The following ZFHX3 variants were observed in gnomAD, a reference collection of about 807,000 sequenced individuals.
ZFHX3 encodes zinc finger homeobox 3.
In ZFHX3, 42 loss-of-function variants were observed where a neutral mutation model predicts 279.1. That is an observed-to-expected ratio of 0.15 (90% CI 0.12 to 0.19). ZFHX3 has a LOEUF of 0.19. Among genes scored for constraint, ZFHX3 ranks in the 10% least tolerant of loss-of-function variants. The pLI, the probability that ZFHX3 is intolerant of heterozygous loss-of-function variation, is 1.00. For synonymous variants in ZFHX3, 2,293 were observed against 1,957.8 expected (o/e 1.17, Z -4.52); for missense variants, 4,981 against 4,754.0 (o/e 1.05, Z -1.40).
intron 3 of ZFHX3, among the ~76,000 whole-genome samples, chr16:73,323,562 C>T (rs2015623054): frequency 6.6e-6 from 1 of 152,070 alleles, no homozygotes; most frequent in Non-Finnish European, 1.5e-5. Context: ...AGAAGTTGGA[C>T]CAAGATATGA....
chr16:73,188,619 A>G (rs953000959), intron 5 of ZFHX3, among the ~76,000 whole-genome samples: 1 of 152,186 alleles, frequency 6.6e-6, no homozygotes, highest in Non-Finnish European at 1.5e-5. Flanking sequence ...TTATTTTCCT[A>G]TCACTTGGTC....
intron 2 of ZFHX3, among the ~76,000 whole-genome samples, chr16:73,640,837 G>A (rs2052566826): frequency 6.6e-6 from 1 of 152,110 alleles, no homozygotes. Context: ...CAGATTAAAA[G>A]TTTCCAACCA....
chr16:73,171,792 G>C lies in ZFHX3; in HGVS notation c.-1103-27961C>G, dbSNP rs145832596. ...TCCATGCTACTGTGCCCCTGATTTT[G>C]TAACATACACGTACCCGGTGTCAAC... is the stretch of plus-strand genomic sequence containing the variant. On this transcript the variant is annotated intron_variant, in intron 5 of 17. Coordinates refer to the ZFHX3 transcript ENST00000641206. Among the ~76,000 whole-genome samples, 1,156 of 152,216 alleles carry C rather than the reference G, an allele frequency of 7.6e-3. 10 individuals are homozygous for C. Among genetic ancestry groups the C allele is most frequent in the South Asian group, 0.022 (106 of 4,812 alleles).
chr16:72,820,352 G>C (rs1014044621), intron 5 of ZFHX3, among the ~76,000 whole-genome samples: 1 of 152,194 alleles, frequency 6.6e-6, no homozygotes, highest in Non-Finnish European at 1.5e-5. Flanking sequence ...TAACCACACT[G>C]ATTTGAGTTC....
intron 1 of ZFHX3, among the ~76,000 whole-genome samples, chr16:73,863,615 G>C (rs991869678): frequency 6.6e-6 from 1 of 152,138 alleles, no homozygotes; most frequent in Non-Finnish European, 1.5e-5. Context: ...GCATTCTCAA[G>C]TTATTTTACA....
Position 72,796,544 on chromosome 16 carries a change from G to T in ZFHX3, c.6138C>A (p.Pro2046=). The T allele has an allele frequency of 6.2e-7, 1 of 1,610,072 alleles. No individual in the cohort carries two copies. The highest frequency in any genetic ancestry group is 8.5e-7 in the Non-Finnish European group (1 of 1,179,432). ...TPEPPPPPPP[P]PPPPLPAAPP... ...GCGCTGCCGGAAGTGGGGGTGGAGG[G>T]GGTGGAGGGGGAGGTGGTGGTGGCT... The change falls in exon 9 of 10, where the codon CCC becomes CCA. Residue 2046 remains proline (P), a synonymous_variant. Transcript: ENST00000268489.
At chr16:72,868,602 C>T (rs879613334) in intron 4 of ZFHX3, among the ~76,000 whole-genome samples, 1 of 152,244 alleles carries the variant, frequency 6.6e-6, no homozygotes, top group Non-Finnish European at 1.5e-5. Flanking sequence ...TCTCCCCCTC[C>T]ACCCGTTCGC....
intron 1 of ZFHX3, among the ~76,000 whole-genome samples, chr16:73,885,773 G>T (rs1845003554): frequency 6.6e-6 from 1 of 152,158 alleles, no homozygotes; most frequent in Admixed American, 6.5e-5. Context: ...CAGTGAAATT[G>T]CTGGAGATAT....
intron 1 of ZFHX3, among the ~76,000 whole-genome samples, chr16:73,859,682 A>T (rs1266608422): frequency 6.6e-6 from 1 of 152,196 alleles, no homozygotes; most frequent in Non-Finnish European, 1.5e-5. Flanking sequence ...CACCACCACC[A>T]CTAGTAAAAG....
At chr16:73,200,761 T>G (rs897283733) in intron 5 of ZFHX3, among the ~76,000 whole-genome samples, 1 of 152,212 alleles carries the variant, frequency 6.6e-6, no homozygotes, top group African/African-American at 2.4e-5. Context: ...TTTGTTGAAA[T>G]CAGGGAAAAT....
intron 2 of ZFHX3, among the ~76,000 whole-genome samples, chr16:73,511,226 T>G (rs2019422823): frequency 6.6e-6 from 1 of 152,254 alleles, no homozygotes; most frequent in Non-Finnish European, 1.5e-5. Flanking sequence ...GATTCAGTAC[T>G]ATTCACTCAT....
intron 1 of ZFHX3, among the ~76,000 whole-genome samples, chr16:72,987,133 C>T (rs987872701): frequency 1.3e-5 from 2 of 152,132 alleles, no homozygotes; most frequent in African/African-American, 4.8e-5. Context: ...TACACGCCAG[C>T]CTGGGCAACA....
chr16:73,342,514 G>T (rs1461673585), intron 3 of ZFHX3, among the ~76,000 whole-genome samples: 1 of 152,188 alleles, frequency 6.6e-6, no homozygotes, highest in Non-Finnish European at 1.5e-5. Context: ...AAGAGCTCCA[G>T]GAGTCGATGA....
chr16:72,881,433 A>T (rs1338207137), intron 4 of ZFHX3, among the ~76,000 whole-genome samples: 1 of 152,146 alleles, frequency 6.6e-6, no homozygotes, highest in Non-Finnish European at 1.5e-5. Flanking sequence ...TCACAGTTTG[A>T]AGGGGGTTCC....
chr16:73,834,972 T>C (rs1352427893), intron 1 of ZFHX3, among the ~76,000 whole-genome samples: 19 of 152,136 alleles, frequency 1.2e-4, no homozygotes, highest in Admixed American at 1.2e-3. Context: ...AGGCAAGATT[T>C]TGCAGTGTTT....
At chr16:73,068,011 C>A (rs1014081689) in intron 8 of ZFHX3, among the ~76,000 whole-genome samples, 1 of 152,138 alleles carries the variant, frequency 6.6e-6, no homozygotes, top group Non-Finnish European at 1.5e-5. Flanking sequence ...TGGCTCTTTT[C>A]CTACCTCCCT....
chr16:73,126,215 A>G (rs1380685319), intron 7 of ZFHX3, among the ~76,000 whole-genome samples: 1 of 152,140 alleles, frequency 6.6e-6, no homozygotes, highest in South Asian at 2.1e-4. Flanking sequence ...GAGAAGAGAA[A>G]GGCAATCACA....
intron 3 of ZFHX3, among the ~76,000 whole-genome samples, chr16:73,321,494 C>T (rs1171517240): frequency 6.6e-6 from 1 of 152,120 alleles, no homozygotes; most frequent in African/African-American, 2.4e-5. Flanking sequence ...CCCTTTGGAC[C>T]CAGCCAGTTG....
intron 1 of ZFHX3, among the ~76,000 whole-genome samples, chr16:73,705,703 A>C (rs1046806786): frequency 6.6e-6 from 1 of 152,082 alleles, no homozygotes; most frequent in Non-Finnish European, 1.5e-5. Flanking sequence ...GATCCAAACA[A>C]TTCCATCCAC....
Sources: gnomAD v4.1 joint callset for allele counts (sites outside exome capture counted in the v4.1 genomes callset) on GRCh38, gnomAD v4.1.1 for gene constraint, MANE v1.5 for transcripts, NCBI Gene and HGNC (gene_info 2026-07-23, HGNC 2026-07-21) for gene names.